Variants in IL36G observed in about 807,000 individuals in gnomAD.
IL36G encodes interleukin-36 gamma.
A neutral mutation model predicts 13.5 loss-of-function variants in IL36G; 10 were observed. The ratio of observed to expected loss-of-function variants is 0.74; its 90% CI spans 0.46 to 1.26. The LOEUF is 1.26. IL36G is among the 50% of genes most tolerant of loss of function. The probability of loss-of-function intolerance (pLI) is 0.00; values close to 1 mark genes in which losing one functional copy is unlikely to be tolerated. For synonymous variants in IL36G, 84 were observed against 74.0 expected, an observed-to-expected ratio of 1.13 and a Z score of -0.69; for missense variants, 199 against 203.0, an observed-to-expected ratio of 0.98 and a Z score of 0.12.
intron 4 of IL36G, 107 bp downstream of exon 4, chr2:112,980,255 T>A (rs116196146): frequency 2.1e-6 from 2 of 948,716 alleles, no homozygotes; most frequent in East Asian, 2.6e-5. Context: ...CCTAAGCATA[T>A]TTATTCCCAG....
At position 112,980,031 on chromosome 2, in the gene IL36G, C is replaced by T. The variant is rs1390657333; in HGVS notation, c.183C>T (p.Cys61=). ...CAGTCACTGTTGCTGTTATCACATGCAAGTATCCAGAGGCTCTTGAGCAAG... is the reference window on the plus strand; with the variant it reads ...CAGTCACTGTTGCTGTTATCACATGTAAGTATCCAGAGGCTCTTGAGCAAG... The part of the protein sequence containing the change: ...VTPVTVAVIT[C]KYPEALEQGR... The change falls in exon 4 of 5, where the codon TGC becomes TGT. Residue 61 remains cysteine, a synonymous_variant. Transcript: ENST00000259205. 1 of 1,613,516 alleles carries T rather than the reference C, an allele frequency of 6.2e-7. No individual in the cohort carries two copies. Among genetic ancestry groups the T allele is most frequent in the South Asian group, 1.1e-5 (1 of 90,970 alleles).
rs1211241642 is a variant in IL36G, at chr2:112,979,991, C to A, written c.161-18C>A. 1.2e-6 allele frequency: 2 copies of A among 1,608,668 alleles called. No individual in the cohort carries two copies. Among genetic ancestry groups the A allele is most frequent in the Admixed American group, 1.7e-5 (1 of 58,878 alleles). On this transcript the variant is annotated intron_variant, in intron 3 of 4. Transcript: ENST00000259205. ...CTTCAAAAGGAAACTGATACCATCTCTCCTCTTATCTTTACAGTCACTGTT... is the reference window on the plus strand; with the variant it reads ...CTTCAAAAGGAAACTGATACCATCTATCCTCTTATCTTTACAGTCACTGTT...
chr2:112,984,608 C>T (rs1219321119), intron 4 of IL36G, among the ~76,000 whole-genome samples: 2 of 152,116 alleles, frequency 1.3e-5, no homozygotes, highest in Non-Finnish European at 2.9e-5. Flanking sequence ...ATTAAACTCT[C>T]CCTTGTAAAC....
In IL36G at chr2:112,978,660, G is replaced by T. The variant is rs771089638; in HGVS notation, c.22G>T (p.Ala8Ser). Residue 8 changes from alanine (A) to serine (S), a missense_variant, in exon 2 of 5, where the codon GCT becomes TCT. Physicochemically the swap from Ala to Ser is moderately conservative, Grantham distance 99 (BLOSUM62 1). Coordinates refer to ENST00000259205, the MANE Select transcript of IL36G (RefSeq NM_019618.4). ...CACTATGAGAGGCACTCCAGGAGAC[G>T]CTGATGGTGGAGGAAGGGCCGTCTA... MRGTPGDADGGGRAVYQS... is the reference protein window; with the variant it reads MRGTPGDSDGGGRAVYQS... 2 of 1,614,186 alleles carry T rather than the reference G, an allele frequency of 1.2e-6. No homozygotes were observed. The highest frequency in any genetic ancestry group is 2.2e-5 in the South Asian group (2 of 91,084).
At chr2:112,983,531 C>G (rs571877531) in intron 4 of IL36G, among the ~76,000 whole-genome samples, 2 of 152,140 alleles carry the variant, frequency 1.3e-5, no homozygotes, top group South Asian at 4.2e-4. Context: ...TGATGGGGAG[C>G]AGCTGGCCTT....
Position 112,985,021 on chromosome 2 carries a change from C to T in IL36G, c.482C>T (p.Thr161Ile), listed in dbSNP as rs1558818950. ...TCAGAACTTGGGAAGTCATACAACA[C>T]TGCCTTTGAATTAAATATAAATGAC... ...LTSELGKSYN[T>I]AFELNIND Residue 161 changes from threonine (T) to isoleucine (I), a missense_variant, in exon 5 of 5, where the codon ACT (threonine) becomes ATT (isoleucine). Thr to Ile is a moderately conservative substitution (Grantham distance 89, BLOSUM62 -1). Transcript: ENST00000259205. 6.2e-7 allele frequency: 1 copy of T among 1,613,884 alleles called. No individual in the cohort carries two copies. Among genetic ancestry groups the T allele is most frequent in the Admixed American group, 1.7e-5 (1 of 59,994 alleles).
chr2:112,979,904 C>G (rs947897715), intron 3 of IL36G, 105 bp from the exon 4 acceptor site: 6 of 1,121,688 alleles, frequency 5.3e-6, no homozygotes, highest in African/African-American at 3.1e-5. Flanking sequence ...GGATTACACT[C>G]TTCAGCTCTC....
intron 1 of IL36G, 38 bp from the exon 2 acceptor site, chr2:112,978,582 T>A (rs371389287): frequency 1.3e-6 from 2 of 1,534,394 alleles, no homozygotes. Context: ...CTTGGAAACA[T>A]CTCTTGTGGT....
chr2:112,979,097 G>A (rs1236053833), intron 2 of IL36G, 124 bp from the exon 3 acceptor site: 2 of 653,644 alleles, frequency 3.1e-6, no homozygotes, highest in Non-Finnish European at 5.6e-6. Flanking sequence ...AGTGCTGTCA[G>A]TTTGGGGATG....
chr2:112,978,707 T>G lies in IL36G; in HGVS notation c.55+14T>G. On this transcript the variant is annotated intron_variant, in intron 2 of 4. Transcript: ENST00000259205. ...TCTATCAATCAAGTGAATCAAATGC[T>G]GTTGGGATGGGGCTCTGGAGGCTTA... 1.1e-5 allele frequency: 17 copies of G among 1,613,708 alleles called. No homozygotes were observed. The highest frequency in any genetic ancestry group is 1.4e-5 in the Non-Finnish European group (17 of 1,179,802).
At chr2:112,979,501 C>T (rs941916289) in intron 3 of IL36G, among the ~76,000 whole-genome samples, 176 bp downstream of exon 3, 1 of 152,108 alleles carries the variant, frequency 6.6e-6, no homozygotes, top group East Asian at 1.9e-4. Context: ...GATGAAGAAG[C>T]CAGAGATGGT....
At chr2:112,981,621 T>G (rs1684262436) in intron 4 of IL36G, among the ~76,000 whole-genome samples, 1 of 152,258 alleles carries the variant, frequency 6.6e-6, no homozygotes, top group Non-Finnish European at 1.5e-5. Flanking sequence ...GGAATTCCTA[T>G]TCATCCATCG....
In IL36G at chr2:112,985,093, T is replaced by C; in HGVS notation, c.*44T>C. Reference sequence around the variant, plus strand: ...AGCTTGGTCTTTGTCTTAAAGTTTCTGGTTCCCAATGTGTTTTCGTCTACA... The same window carrying C: ...AGCTTGGTCTTTGTCTTAAAGTTTCCGGTTCCCAATGTGTTTTCGTCTACA... On this transcript the variant is annotated 3_prime_UTR_variant, in exon 5 of 5. Transcript: ENST00000259205. 1 of 1,396,886 alleles carries C rather than the reference T, an allele frequency of 7.2e-7. No homozygotes were observed. Among genetic ancestry groups the C allele is most frequent in the South Asian group, 1.2e-5 (1 of 83,386 alleles). The allele number at this position is 1,396,886 out of a possible 1,614,324, so 86.5% of individuals were successfully genotyped here. A position where few individuals can be genotyped will look rare whatever the true frequency, so the allele number is the denominator to read the frequency against.
intron 4 of IL36G, among the ~76,000 whole-genome samples, chr2:112,984,535 G>T (rs1310385503): frequency 6.6e-6 from 1 of 152,080 alleles, no homozygotes; most frequent in Admixed American, 6.5e-5. Flanking sequence ...TCTTCCTAAG[G>T]GTCACCTCAG....
At chr2:112,981,888 GTT>G (rs1684269452) in intron 4 of IL36G, among the ~76,000 whole-genome samples, 1 of 151,960 alleles carries the variant, frequency 6.6e-6, no homozygotes, top group Non-Finnish European at 1.5e-5. Context: ...TTTAATGACT[GTT>G]TGTCCTCGTT....
chr2:112,978,769 C>T, intron 2 of IL36G, 76 bp downstream of exon 2: 2 of 1,403,106 alleles, frequency 1.4e-6, no homozygotes, highest in East Asian at 4.6e-5. Flanking sequence ...GTGGAAGCCC[C>T]AGCCTTCTCT....
intron 4 of IL36G, among the ~76,000 whole-genome samples, chr2:112,983,779 C>A (rs143130687): frequency 1.9e-3 from 291 of 152,196 alleles, no homozygotes; most frequent in African/African-American, 6.4e-3. Context: ...AAAAGGGTAT[C>A]ATAATCTTAT....
intron 4 of IL36G, among the ~76,000 whole-genome samples, chr2:112,982,043 G>A (rs1178176057): frequency 6.6e-6 from 1 of 152,108 alleles, no homozygotes; most frequent in African/African-American, 2.4e-5. Context: ...TGACCATGTG[G>A]GGCTTGGATT....
chr2:112,979,404 T>C (rs1684223550), intron 3 of IL36G, 79 bp downstream of exon 3: 2 of 832,268 alleles, frequency 2.4e-6, no homozygotes, highest in Non-Finnish European at 2.0e-6. Flanking sequence ...TGTAAAAGTG[T>C]GACTTTACAA....
Sources: gnomAD v4.1 joint callset for allele counts (sites outside exome capture counted in the v4.1 genomes callset) on GRCh38, gnomAD v4.1.1 for gene constraint, MANE v1.5 for transcripts, NCBI Gene and HGNC (gene_info 2026-07-23, HGNC 2026-07-21) for gene names.